Variants in KDM4C observed in about 807,000 individuals in gnomAD.
The protein encoded by KDM4C is lysine demethylase 4C.
KDM4C carries 81 observed loss-of-function variants against 129.3 expected under a neutral mutation model. That is an observed-to-expected ratio of 0.63 (90% confidence interval 0.52 to 0.75). The LOEUF (loss-of-function observed/expected upper bound fraction) is 0.75, where lower values mean the gene tolerates loss of function less well. Among genes scored for constraint, KDM4C ranks in the 30% least tolerant of loss-of-function variants. The probability of loss-of-function intolerance (pLI) is 0.00; values close to 1 mark genes in which losing one functional copy is unlikely to be tolerated. For missense variants in KDM4C, 1,457 were observed against 1,304.0 expected (o/e 1.12, Z -1.81); for synonymous variants, 573 against 456.1 (o/e 1.26, Z -3.26).
chr9:7,058,343 C>G (rs867129964), intron 17 of KDM4C, among the ~76,000 whole-genome samples: 3 of 152,142 alleles, frequency 2.0e-5, no homozygotes, highest in Non-Finnish European at 4.4e-5. Flanking sequence ...GGTAAAGCTA[C>G]TGATGTGGCA....
At chr9:6,845,303 C>A (rs962974788) in intron 4 of KDM4C, among the ~76,000 whole-genome samples, 1 of 152,152 alleles carries the variant, frequency 6.6e-6, no homozygotes, top group Non-Finnish European at 1.5e-5. Context: ...TAGCCTTGAC[C>A]TTCTGGGCTC....
intron 15 of KDM4C, among the ~76,000 whole-genome samples, chr9:7,016,425 CTTTT>C (rs759501262): frequency 1.2e-4 from 12 of 102,714 alleles, no homozygotes; most frequent in South Asian, 1.0e-3. Context: ...CTGTTCCTGG[CTTTT>C]TTTTTTTTTT....
Position 6,807,251 on chromosome 9 carries a change from G to A in KDM4C, c.320+1477G>A, listed in dbSNP as rs528838129. On this transcript the variant is annotated intron_variant, in intron 3 of 21. Coordinates refer to ENST00000381309, the MANE Select transcript of KDM4C (RefSeq NM_015061.6). ...CTCGGCTCACTATAACCTCCCAGCC[G>A]CCTGCCTTGGCCTCCCAAAGTGCCG... Among the ~76,000 whole-genome samples the A allele has an allele frequency of 9.2e-5, 14 of 152,176 alleles. No individual in the cohort carries two copies. The East Asian group carries it at 1.9e-3, about 21-fold the overall frequency.
intron 16 of KDM4C, among the ~76,000 whole-genome samples, chr9:7,048,375 G>C (rs1186720392): frequency 6.6e-6 from 1 of 152,030 alleles, no homozygotes; most frequent in South Asian, 2.1e-4. Flanking sequence ...TTAAAAATAG[G>C]TTGATGGATT....
intron 2 of KDM4C, among the ~76,000 whole-genome samples, chr9:6,801,627 CTCTCTCTCTCTCTG>C (rs1339215536): frequency 1.3e-5 from 2 of 151,708 alleles, no homozygotes; most frequent in Non-Finnish European, 2.9e-5. Flanking sequence ...TGCTCTCTCT[CTCTCTCTCTCTCTG>C]TCTCTCTCTC....
At chr9:6,740,537 G>C (rs1160306806) in intron 1 of KDM4C, among the ~76,000 whole-genome samples, 1 of 150,614 alleles carries the variant, frequency 6.6e-6, no homozygotes, top group Non-Finnish European at 1.5e-5. Flanking sequence ...ATTTATCCTT[G>C]AGATGAAGTC....
At chr9:7,041,068 T>TA (rs1367684403) in intron 15 of KDM4C, among the ~76,000 whole-genome samples, 4 of 151,826 alleles carry the variant, frequency 2.6e-5, no homozygotes, top group Non-Finnish European at 4.4e-5. Flanking sequence ...TAAAATTCTC[T>TA]TTTTGTCTTT....
rs745947307 is a variant in KDM4C, at chr9:7,103,717, G to A, written c.2457G>A (p.Arg819=). 1.2e-5 allele frequency: 20 copies of A among 1,613,774 alleles called. No individual in the cohort carries two copies. The South Asian group carries it at 2.1e-4, about 17-fold the overall frequency. The part of the protein sequence containing the change: ...KCIFCRHRVK[R]VSGACIQCSY... ...TCTTCTGCAGACACCGGGTTAAGAG[G>A]GTCTCTGGAGCCTGCATCCAGTGTT... Residue 819 remains arginine (R), a synonymous_variant, in exon 18 of 22, where the codon AGG becomes AGA. Transcript: ENST00000381309.
intron 4 of KDM4C, among the ~76,000 whole-genome samples, chr9:6,841,912 A>G (rs1426137389): frequency 2.0e-5 from 3 of 152,214 alleles, no homozygotes; most frequent in African/African-American, 7.2e-5. Flanking sequence ...GCTAGATCCT[A>G]CTTATCCTGG....
intron 1 of KDM4C, among the ~76,000 whole-genome samples, chr9:6,784,176 A>G (rs546819603): frequency 6.6e-6 from 1 of 152,092 alleles, no homozygotes; most frequent in Non-Finnish European, 1.5e-5. Flanking sequence ...TTGGTTAGGT[A>G]ATGTTACCCC....
intron 8 of KDM4C, among the ~76,000 whole-genome samples, chr9:6,966,796 T>C (rs931889926): frequency 1.1e-4 from 17 of 152,172 alleles, no homozygotes; most frequent in African/African-American, 4.1e-4. Context: ...TAATTCAAGA[T>C]TTATCTTAGA....
rs760506847 is a variant in KDM4C at position 6,990,553 on chromosome 9, T to G, written c.1786+29T>G. The G allele has an allele frequency of 6.6e-6, 9 of 1,356,836 alleles. No individual in the cohort carries two copies. The East Asian group carries it at 7.4e-5, about 11-fold the overall frequency. The allele number at this position is 1,356,836 out of a possible 1,614,324, so 84.0% of individuals were successfully genotyped here. A position where few individuals can be genotyped will look rare whatever the true frequency, so the allele number is the denominator to read the frequency against. ...AGATGGTGACCCTTTTTGGGATTTT[T>G]TTTTTTTTTTTTGGTGTGTAAAACA... On this transcript the variant is annotated intron_variant, in intron 12 of 21. Transcript: ENST00000381309.
intron 8 of KDM4C, among the ~76,000 whole-genome samples, chr9:6,965,820 C>T (rs772994781): frequency 7.2e-5 from 11 of 152,134 alleles, no homozygotes; most frequent in African/African-American, 2.4e-4. Context: ...TCACAGTAAT[C>T]GGATTATCCA....
intron 8 of KDM4C, chr9:6,925,454 C>A: frequency 1.3e-6 from 1 of 765,768 alleles, no homozygotes; most frequent in Non-Finnish European, 1.6e-6. Context: ...TTCCCCCTTC[C>A]CCCTCTCCTC....
chr9:6,828,681 G>A (rs1834297960), intron 4 of KDM4C, among the ~76,000 whole-genome samples: 1 of 150,746 alleles, frequency 6.6e-6, no homozygotes, highest in Admixed American at 6.6e-5. Flanking sequence ...GACCAACCTG[G>A]CCAAAGTGGA....
chr9:6,768,510 A>T (rs896678559), intron 1 of KDM4C, among the ~76,000 whole-genome samples: 5 of 152,224 alleles, frequency 3.3e-5, no homozygotes, highest in Admixed American at 2.6e-4. Flanking sequence ...ACTGCAGTAT[A>T]TCCATCAAAA....
intron 17 of KDM4C, among the ~76,000 whole-genome samples, chr9:7,050,468 C>G (rs374282756): frequency 1.6e-5 from 1 of 63,728 alleles, no homozygotes; most frequent in Non-Finnish European, 4.0e-5. Context: ...CACCAAAAAA[C>G]AAACAAAACG....
At chr9:6,734,805 T>C (rs1588043109) in intron 1 of KDM4C, 4 of 431,538 alleles carry the variant, frequency 9.3e-6, no homozygotes, top group Non-Finnish European at 1.8e-5. Context: ...GGTAGATTCC[T>C]GTTCCATTGT....
At chr9:7,107,392 CCA>C (rs1451746145) in intron 18 of KDM4C, among the ~76,000 whole-genome samples, 1 of 152,188 alleles carries the variant, frequency 6.6e-6, no homozygotes, top group Non-Finnish European at 1.5e-5. Context: ...AAATATAGCA[CCA>C]CAGGGCCATC....
Sources: allele counts gnomAD v4.1 joint callset (sites outside exome capture counted in the v4.1 genomes callset), GRCh38; gene constraint gnomAD v4.1.1; transcripts MANE v1.5; gene names NCBI Gene and HGNC (gene_info 2026-07-23, HGNC 2026-07-21).